Variants in CTNND2 observed in about 807,000 individuals in gnomAD.
CTNND2 encodes the protein catenin delta 2, also known as catenin delta-2.
In CTNND2, 22 loss-of-function variants were observed where a neutral mutation model predicts 144.4. That is an observed-to-expected ratio of 0.15 (90% confidence interval 0.11 to 0.22). The LOEUF (loss-of-function observed/expected upper bound fraction) is 0.22. Among genes scored for constraint, CTNND2 ranks in the 10% least tolerant of loss-of-function variants. CTNND2 has a pLI of 1.00. For missense variants in CTNND2, 1,353 were observed against 1,618.8 expected, an observed-to-expected ratio of 0.84 and a Z score of 2.82; for synonymous variants, 751 against 695.6, an observed-to-expected ratio of 1.08 and a Z score of -1.25.
intron 12 of CTNND2, among the ~76,000 whole-genome samples, chr5:11,123,134 G>A (rs1299547229): frequency 3.3e-5 from 5 of 152,024 alleles, no homozygotes; most frequent in Non-Finnish European, 5.9e-5. Flanking sequence ...CCTCAGCCCC[G>A]CTACTCCTTC....
chr5:11,865,696 A>G (rs2127036375), intron 1 of CTNND2, among the ~76,000 whole-genome samples: 1 of 152,190 alleles, frequency 6.6e-6, no homozygotes, highest in African/African-American at 2.4e-5. Flanking sequence ...GTCTCTAATC[A>G]GCTGAATTTA....
rs61749787 is a variant in CTNND2, at chr5:11,396,265, T to C, written c.612+766A>G. ...AGACAGCCTTCCAATAAATTAACTC[T>C]GGCGTGATGATCAAAATTATACTCT... is the stretch of plus-strand genomic sequence containing the variant. On this transcript the variant is annotated intron_variant, in intron 6 of 21. Coordinates refer to ENST00000304623, the MANE Select transcript of CTNND2 (RefSeq NM_001332.4). Among the ~76,000 whole-genome samples, 383 of 152,326 alleles carry C rather than the reference T, an allele frequency of 2.5e-3. 2 individuals carry two copies. Among genetic ancestry groups the C allele is most frequent in the African/African-American group, 8.6e-3 (359 of 41,570 alleles).
At chr5:11,080,483 G>T (rs1315376300) in intron 16 of CTNND2, among the ~76,000 whole-genome samples, 1 of 152,198 alleles carries the variant, frequency 6.6e-6, no homozygotes, top group Non-Finnish European at 1.5e-5. Context: ...TATATATCCA[G>T]AGGATCTGGT....
intron 1 of CTNND2, among the ~76,000 whole-genome samples, chr5:11,751,482 AG>A (rs1788616401): frequency 6.6e-6 from 1 of 151,730 alleles, no homozygotes; most frequent in East Asian, 1.9e-4. Flanking sequence ...TGAGAACATG[AG>A]GGTTGGTTTT....
At chr5:11,214,267 G>C (rs1738943114) in intron 10 of CTNND2, among the ~76,000 whole-genome samples, 1 of 152,192 alleles carries the variant, frequency 6.6e-6, no homozygotes, top group Non-Finnish European at 1.5e-5. Flanking sequence ...TGCATGAAAT[G>C]TCAGGTTTAT....
At chr5:11,585,318 G>C (rs1247105948) in intron 2 of CTNND2, among the ~76,000 whole-genome samples, 1 of 152,072 alleles carries the variant, frequency 6.6e-6, no homozygotes, top group Non-Finnish European at 1.5e-5. Context: ...AGAGAATACG[G>C]GGTTGCAAGT....
chr5:11,675,748 ATATG>A (rs1451943556), intron 2 of CTNND2, among the ~76,000 whole-genome samples: 1 of 152,018 alleles, frequency 6.6e-6, no homozygotes, highest in Admixed American at 6.6e-5. Flanking sequence ...GTGTGTATAT[ATATG>A]TGTGTGTATA....
intron 1 of CTNND2, among the ~76,000 whole-genome samples, chr5:11,852,743 G>A (rs1227447838): frequency 6.6e-6 from 1 of 152,296 alleles, no homozygotes; most frequent in East Asian, 1.9e-4. Flanking sequence ...GAGAAGAAAT[G>A]TAATAGAGCA....
intron 1 of CTNND2, among the ~76,000 whole-genome samples, chr5:11,794,452 C>A (rs1415057349): frequency 6.6e-6 from 1 of 152,106 alleles, no homozygotes; most frequent in Non-Finnish European, 1.5e-5. Flanking sequence ...ATCAGAGCGG[C>A]CTTAGATCAA....
At chr5:11,284,096 C>T (rs1306478181) in intron 9 of CTNND2, among the ~76,000 whole-genome samples, 49 of 152,196 alleles carry the variant, frequency 3.2e-4, no homozygotes, top group Non-Finnish European at 5.9e-5. Context: ...ACGCTCCTCT[C>T]TATTAGGAGA....
chr5:11,504,254 C>T (rs187839223), intron 3 of CTNND2, among the ~76,000 whole-genome samples: 139 of 152,318 alleles, frequency 9.1e-4, no homozygotes, highest in African/African-American at 3.2e-3. Flanking sequence ...AGGTCTAATG[C>T]TGTTGCTGCT....
At chr5:11,518,486 T>G (rs1347854040) in intron 3 of CTNND2, among the ~76,000 whole-genome samples, 2 of 152,200 alleles carry the variant, frequency 1.3e-5, no homozygotes, top group Non-Finnish European at 2.9e-5. Flanking sequence ...GTAGCCTAAG[T>G]ATCCAGTGTT....
chr5:11,411,033 G>A (rs1382810501), intron 5 of CTNND2, among the ~76,000 whole-genome samples: 2 of 151,928 alleles, frequency 1.3e-5, no homozygotes, highest in Non-Finnish European at 2.9e-5. Flanking sequence ...CACCATGCCT[G>A]GCTAGTTTTT....
intron 14 of CTNND2, among the ~76,000 whole-genome samples, chr5:11,104,861 A>AG (rs1418377971): frequency 7.9e-5 from 12 of 152,220 alleles, no homozygotes; most frequent in African/African-American, 2.9e-4. Context: ...CGCATTAAAG[A>AG]GGCAGGATGA....
chr5:11,735,660 G>A (rs1401409596), intron 1 of CTNND2, among the ~76,000 whole-genome samples: 1 of 152,184 alleles, frequency 6.6e-6, no homozygotes. Flanking sequence ...CTGTTCTCAT[G>A]ATAGTGAATA....
intron 9 of CTNND2, among the ~76,000 whole-genome samples, chr5:11,344,274 C>A (rs1408676412): frequency 1.3e-5 from 2 of 152,080 alleles, no homozygotes; most frequent in Admixed American, 6.5e-5. Flanking sequence ...CGCCTGTAGT[C>A]CCAGCTACTC....
At position 11,793,983 on chromosome 5, in the gene CTNND2, A is replaced by G. The variant is rs141880388; in HGVS notation, c.38-61711T>C. On this transcript the variant is annotated intron_variant, in intron 1 of 21. Transcript: ENST00000304623. ...CATATACTTATTTTGAATTTACTGA[A>G]AAGAAACACTGTATGGTGTAAAGCG... Among the ~76,000 whole-genome samples the G allele has an allele frequency of 2.0e-5, 3 of 152,328 alleles. No homozygotes were observed. In the East Asian group the frequency reaches 5.8e-4, roughly 29 times the overall value.
intron 3 of CTNND2, among the ~76,000 whole-genome samples, chr5:11,445,400 T>C (rs1246670465): frequency 6.6e-6 from 1 of 152,224 alleles, no homozygotes; most frequent in African/African-American, 2.4e-5. Flanking sequence ...AGATTAGGAC[T>C]TCAACATGTC....
At chr5:11,173,935 C>T (rs4702790) in intron 11 of CTNND2, among the ~76,000 whole-genome samples, 79,113 of 151,958 alleles carry the variant, frequency 0.52, 22,097 homozygotes, top group East Asian at 0.74. Flanking sequence ...GGCTGAAGTG[C>T]GGTGAAAAGA....
Sources: gnomAD v4.1 joint callset for allele counts (sites outside exome capture counted in the v4.1 genomes callset) on GRCh38, gnomAD v4.1.1 for gene constraint, MANE v1.5 for transcripts, NCBI Gene and HGNC (gene_info 2026-07-23, HGNC 2026-07-21) for gene names.